The following PCDHGA4 variants were observed in gnomAD, a reference collection of about 807,000 sequenced individuals.
PCDHGA4 encodes the protein protocadherin gamma subfamily A, 4.
PCDHGA4 carries 38 observed loss-of-function variants against 54.6 expected under a neutral mutation model. The ratio of observed to expected loss-of-function variants is 0.70; its 90% CI spans 0.54 to 0.91. PCDHGA4 has a LOEUF of 0.91. Ranked by LOEUF, PCDHGA4 falls within the 40% of genes least tolerant of loss-of-function variation. PCDHGA4 has a pLI of 0.00. For synonymous variants in PCDHGA4, 511 were observed against 512.9 expected, an observed-to-expected ratio of 1.00 and a Z score of 0.05; for missense variants, 1,298 against 1,220.9, an observed-to-expected ratio of 1.06 and a Z score of -0.94.
chr5:141,360,089 G>A (rs1293373069), intron 1 of PCDHGA4: 2 of 1,505,466 alleles, frequency 1.3e-6, no homozygotes, highest in East Asian at 2.4e-5. Context: ...TGCCATCCCC[G>A]GAAGGCTTAT....
chr5:141,465,979 G>A (rs779605313), intron 1 of PCDHGA4, among the ~76,000 whole-genome samples: 9 of 151,846 alleles, frequency 5.9e-5, no homozygotes, highest in Non-Finnish European at 1.3e-4. Flanking sequence ...AAAATTAGCC[G>A]GGCATGGTGG....
chr5:141,413,639 GT>G, intron 1 of PCDHGA4: 1 of 1,613,854 alleles, frequency 6.2e-7, no homozygotes, highest in South Asian at 1.1e-5. Context: ...GCGGGAATGC[GT>G]TTTCCTCTCC....
At chr5:141,426,826 T>C (rs2096963111) in intron 1 of PCDHGA4, 1 of 456,600 alleles carries the variant, frequency 2.2e-6, no homozygotes, top group Admixed American at 2.3e-5. Flanking sequence ...TCTCTGATGA[T>C]GGACAAGACT....
rs555713417 is a variant in PCDHGA4, at chr5:141,357,809, T to C, written c.2514+188T>C. ...ATTTACCACACAAAAATGTTGTTTATTACTTATCCTTTTTGGTCTTCATTC... is the reference window on the plus strand; with the variant it reads ...ATTTACCACACAAAAATGTTGTTTACTACTTATCCTTTTTGGTCTTCATTC... On this transcript the variant is annotated intron_variant, in intron 1 of 3. Coordinates refer to ENST00000571252, the MANE Select transcript of PCDHGA4 (RefSeq NM_018917.4). 4.0e-5 allele frequency: 30 copies of C among 756,534 alleles called. No individual in the cohort carries two copies. In the East Asian group the frequency reaches 6.6e-4, roughly 17 times the overall value. 46.9% of individuals were successfully genotyped at this position (756,534 alleles called of 1,614,324 possible).
rs142172414 is a variant in PCDHGA4, at chr5:141,477,145, G to A, written c.2515-17662G>A. On this transcript the variant is annotated intron_variant, in intron 1 of 3. Coordinates refer to ENST00000571252, the MANE Select transcript of PCDHGA4 (RefSeq NM_018917.4). The surrounding 1 kb of genome is among the most constrained non-coding windows in gnomAD (Gnocchi z 4.9). ...ATTGCAAAGTGTTGGTGGAGGTTGT[G>A]GATGTGAATGACAACGCCCCGGAGA... The A allele has an allele frequency of 3.7e-6, 6 of 1,614,054 alleles. No homozygotes were observed. The African/African-American group carries it at 8.0e-5, about 22-fold the overall frequency.
chr5:141,401,587 T>C (rs1455949609), intron 1 of PCDHGA4, among the ~76,000 whole-genome samples: 3 of 152,226 alleles, frequency 2.0e-5, no homozygotes, highest in Non-Finnish European at 2.9e-5. Context: ...TCCTGACATA[T>C]TCTTGAAGAA....
chr5:141,360,460 G>A, intron 1 of PCDHGA4: 1 of 1,613,936 alleles, frequency 6.2e-7, no homozygotes, highest in Non-Finnish European at 8.5e-7. Context: ...TTTCGATACT[G>A]TCGCTGAAAA....
At chr5:141,422,942 G>A (rs199976232) in intron 1 of PCDHGA4, 5 of 1,614,096 alleles carry the variant, frequency 3.1e-6, no homozygotes, top group Non-Finnish European at 4.2e-6. Flanking sequence ...CCCACAGACG[G>A]CTCCACTGGC....
intron 1 of PCDHGA4, chr5:141,365,522 G>A (rs771198048): frequency 1.9e-6 from 3 of 1,613,770 alleles, no homozygotes; most frequent in African/African-American, 1.3e-5. Context: ...GGAGAAGTCA[G>A]TTGATAATTA....
intron 1 of PCDHGA4, chr5:141,375,794 G>T (rs754100940): frequency 6.2e-7 from 1 of 1,614,170 alleles, no homozygotes; most frequent in Non-Finnish European, 8.5e-7. Context: ...CCCCACAGAC[G>T]GTTCCACTGG....
chr5:141,453,791 A>G (rs979646024), intron 1 of PCDHGA4, among the ~76,000 whole-genome samples: 2 of 152,268 alleles, frequency 1.3e-5, no homozygotes, highest in African/African-American at 2.4e-5. Context: ...ATGGTATATT[A>G]ACTTTGAGTA....
At chr5:141,462,062 A>T (rs957948334) in intron 1 of PCDHGA4, among the ~76,000 whole-genome samples, 3 of 152,168 alleles carry the variant, frequency 2.0e-5, no homozygotes, top group African/African-American at 2.4e-5. Context: ...ACCTCAGGTG[A>T]TCTGCCCGCC....
chr5:141,380,542 T>A lies in PCDHGA4; in HGVS notation c.2514+22921T>A, dbSNP rs182715146. 2.0e-5 allele frequency among the ~76,000 whole-genome samples: 3 copies of A among 152,362 alleles called. No individual in the cohort carries two copies. The East Asian group carries it at 5.8e-4, about 29-fold the overall frequency. On this transcript the variant is annotated intron_variant, in intron 1 of 3. Transcript: ENST00000571252. ...ATGAAATGATTTCAATTTGATACAA[T>A]GAGCTTATGTTAGATTTTATTAAAC...
At chr5:141,480,584 G>A (rs1421730652) in intron 1 of PCDHGA4, among the ~76,000 whole-genome samples, 1 of 134,606 alleles carries the variant, frequency 7.4e-6, no homozygotes, top group Non-Finnish European at 1.6e-5. Context: ...AATAACTGCC[G>A]CTCTTCTGGT....
chr5:141,485,511 C>G lies in PCDHGA4; in HGVS notation c.2515-9296C>G, dbSNP rs1168331122. The G allele has an allele frequency of 1.2e-6, 2 of 1,614,042 alleles. No individual in the cohort carries two copies. Among genetic ancestry groups the G allele is most frequent in the Non-Finnish European group, 1.7e-6 (2 of 1,180,038 alleles). On this transcript the variant is annotated intron_variant, in intron 1 of 3. Transcript: ENST00000571252. The surrounding 1 kb of genome is among the most constrained non-coding windows in gnomAD (Gnocchi z 5.7). Reference sequence around the variant, plus strand: ...CCCCTGGAGTTTGTCACCGAAGGTCCTTTGGAAATGTACCGAGCAGAGGTA... The same window carrying G: ...CCCCTGGAGTTTGTCACCGAAGGTCGTTTGGAAATGTACCGAGCAGAGGTA...
intron 1 of PCDHGA4, among the ~76,000 whole-genome samples, chr5:141,474,404 G>A (rs1014003488): frequency 4.6e-5 from 7 of 152,156 alleles, no homozygotes; most frequent in East Asian, 1.9e-4. Context: ...CAAGCTCCCC[G>A]GTGATGCCTA....
chr5:141,358,975 A>C (rs1242979325), intron 1 of PCDHGA4, among the ~76,000 whole-genome samples: 1 of 152,266 alleles, frequency 6.6e-6, no homozygotes, highest in Non-Finnish European at 1.5e-5. Flanking sequence ...GTGAGAATTC[A>C]AAATTCATGA....
At position 141,490,169 on chromosome 5, in the gene PCDHGA4, T is replaced by C; in HGVS notation, c.2515-4638T>C. ...ATCCATGTGTTGGGTCCCATAGACT[T>C]TGAGGAGTCACGTTTCTATGAAATT... On this transcript the variant is annotated intron_variant, in intron 1 of 3. Transcript: ENST00000571252. This position sits in a 1 kb window ranked among gnomAD's most constrained non-coding sequence, Gnocchi z 5.4. 6.2e-7 allele frequency: 1 copy of C among 1,614,190 alleles called. No individual in the cohort carries two copies. The highest frequency in any genetic ancestry group is 8.5e-7 in the Non-Finnish European group (1 of 1,180,018).
In PCDHGA4 at chr5:141,504,261, A is replaced by AT. The variant is rs144925096; in HGVS notation, c.2574-1125dup. Among the ~76,000 whole-genome samples the AT allele has an allele frequency of 3.8e-3, 573 of 152,258 alleles. 3 individuals are homozygous for AT. The highest frequency in any genetic ancestry group is 0.012 in the African/African-American group (514 of 41,556). ...CAGAGAGTTCTTCTTATGGTTTAGT[A>AT]TTTTTTTAAATTATGAATCATTTCA... On this transcript the variant is annotated intron_variant, in intron 2 of 3. Transcript: ENST00000571252.
Sources: gnomAD v4.1 joint callset for allele counts (sites outside exome capture counted in the v4.1 genomes callset) on GRCh38, gnomAD v4.1.1 for gene constraint, Gnocchi (gnomAD v3.1) non-coding constraint, MANE v1.5 for transcripts, NCBI Gene and HGNC (gene_info 2026-07-23, HGNC 2026-07-21) for gene names.